ANKRD27: variants seen among roughly 807,000 people sequenced by gnomAD.
ANKRD27 encodes the protein ankyrin repeat domain-containing protein 27.
A neutral mutation model predicts 129.7 loss-of-function variants in ANKRD27; 112 were observed. The ratio of observed to expected loss-of-function variants is 0.86; its 90% CI spans 0.74 to 1.01. ANKRD27 has a LOEUF of 1.01. Among genes scored for constraint, ANKRD27 ranks in the 50% least tolerant of loss-of-function variants. ANKRD27 has a pLI of 0.00. For synonymous variants in ANKRD27, 516 were observed against 511.2 expected (o/e 1.01, Z -0.13); for missense variants, 1,258 against 1,300.5 (o/e 0.97, Z 0.50).
rs745306882 is a variant in ANKRD27, at chr19:32,615,799, G to A, written c.2053-19C>T. On this transcript the variant is annotated intron_variant, in intron 21 of 28. Coordinates refer to ENST00000306065, the MANE Select transcript of ANKRD27 (RefSeq NM_032139.3). ...AACGCACCTGGTGATGGAGAGTAAC[G>A]GAAACAGGAACACATCCTCAGCGTC... The A allele has an allele frequency of 1.8e-5, 29 of 1,607,594 alleles. No homozygotes were observed. The highest frequency in any genetic ancestry group is 6.7e-5 in the East Asian group (3 of 44,734).
Position 32,648,716 on chromosome 19 carries a change from C to T in ANKRD27, c.213+966G>A, listed in dbSNP as rs150669964. Among the ~76,000 whole-genome samples the T allele has an allele frequency of 3.9e-3, 587 of 151,288 alleles. 15 individuals are homozygous for T. The East Asian group carries it at 0.052, about 13-fold the overall frequency. ...TCGGGAGGCTGAGGCAGGAGAATGG[C>T]GTGAACCTGGGAGGCGGAGCTCGCA... On this transcript the variant is annotated intron_variant, in intron 3 of 28. Transcript: ENST00000306065.
chr19:32,659,139 C>CT (rs35323163), intron 1 of ANKRD27, 94 bp from the exon 2 acceptor site: 4,572 of 156,796 alleles, frequency 0.029, no homozygotes, highest in East Asian at 0.05. Context: ...TTTTCTTTTT[C>CT]TTTTTTTTTT....
Position 32,608,504 on chromosome 19 carries a change from C to CT in ANKRD27, c.2176-673dup, listed in dbSNP as rs200222202. On this transcript the variant is annotated intron_variant, in intron 22 of 28. Transcript: ENST00000306065. ...TTTTTGATGATTAAAAATGTTACCT[C>CT]TTTAAAAAAAAAAACTGTATGCTAA... 1,353 of 222,096 alleles carry CT rather than the reference C, an allele frequency of 6.1e-3. 1 individual carries two copies. The highest frequency in any genetic ancestry group is 0.012 in the South Asian group (255 of 21,862). 13.8% of individuals were successfully genotyped at this position (222,096 alleles called of 1,614,324 possible). A position where few individuals can be genotyped will look rare whatever the true frequency, so the allele number is the denominator to read the frequency against.
Position 32,598,130 on chromosome 19 carries a change from A to C in ANKRD27, c.*15T>G. 6.2e-7 allele frequency: 1 copy of C among 1,611,250 alleles called. No homozygotes were observed. The highest frequency in any genetic ancestry group is 8.5e-7 in the Non-Finnish European group (1 of 1,177,526). On this transcript the variant is annotated 3_prime_UTR_variant, in exon 29 of 29. Coordinates refer to ENST00000306065, the MANE Select transcript of ANKRD27 (RefSeq NM_032139.3). ...CTTGCTTCCTAGCAGTGGGTTCAAC[A>C]ACTCCTCATTCCTGTTAGGACCGGG... is the stretch of plus-strand genomic sequence containing the variant.
chr19:32,609,607 C>T (rs1239221163), intron 22 of ANKRD27, among the ~76,000 whole-genome samples: 1 of 150,524 alleles, frequency 6.6e-6, no homozygotes, highest in Non-Finnish European at 1.5e-5. Context: ...GTTAACTAAT[C>T]CATGATGATG....
intron 21 of ANKRD27, among the ~76,000 whole-genome samples, chr19:32,617,237 T>C (rs1478966991): frequency 1.3e-5 from 2 of 152,254 alleles, no homozygotes; most frequent in East Asian, 3.9e-4. Context: ...TAGAACAAGC[T>C]TTTTATAATA....
intron 12 of ANKRD27, among the ~76,000 whole-genome samples, chr19:32,633,981 G>A (rs1023729110): frequency 2.0e-5 from 3 of 152,018 alleles, no homozygotes; most frequent in African/African-American, 7.2e-5. Flanking sequence ...CAGTGAGCTA[G>A]GATCACACCA....
chr19:32,657,432 A>G (rs1421982267), intron 2 of ANKRD27, among the ~76,000 whole-genome samples: 1 of 150,750 alleles, frequency 6.6e-6, no homozygotes, highest in Non-Finnish European at 1.5e-5. Context: ...ACTGCACTCT[A>G]GCCTGGGTGA....
intron 2 of ANKRD27, among the ~76,000 whole-genome samples, chr19:32,656,512 C>T (rs1285709041): frequency 1.3e-5 from 2 of 152,096 alleles, no homozygotes; most frequent in Non-Finnish European, 2.9e-5. Context: ...TAGGGCCAGG[C>T]GTGACAGCTC....
At chr19:32,670,504 T>G (rs949361924) in intron 1 of ANKRD27, among the ~76,000 whole-genome samples, 2 of 151,066 alleles carry the variant, frequency 1.3e-5, no homozygotes, top group Non-Finnish European at 2.9e-5. Context: ...CAAAACCCTG[T>G]CTCTACTAAA....
At chr19:32,604,225 C>A in intron 25 of ANKRD27, 38 bp downstream of exon 25, 1 of 1,564,140 alleles carries the variant, frequency 6.4e-7, no homozygotes, top group Non-Finnish European at 8.7e-7. Flanking sequence ...CTGTGAGGAG[C>A]TCAGGATTCC....
At chr19:32,662,950 G>A (rs1010994517) in intron 1 of ANKRD27, among the ~76,000 whole-genome samples, 1 of 152,084 alleles carries the variant, frequency 6.6e-6, no homozygotes, top group African/African-American at 2.4e-5. Context: ...GCTGAGGCAG[G>A]AGAATCACTT....
At chr19:32,603,576 T>C (rs1971684694) in intron 25 of ANKRD27, among the ~76,000 whole-genome samples, 1 of 152,196 alleles carries the variant, frequency 6.6e-6, no homozygotes, top group Non-Finnish European at 1.5e-5. Flanking sequence ...AAAGTCTCTG[T>C]CACCCAGGCT....
At chr19:32,668,773 T>C (rs1029055041) in intron 1 of ANKRD27, among the ~76,000 whole-genome samples, 1 of 151,564 alleles carries the variant, frequency 6.6e-6, no homozygotes, top group African/African-American at 2.4e-5. Flanking sequence ...TCAGTACAGA[T>C]GGGGTCTCGC....
intron 15 of ANKRD27, among the ~76,000 whole-genome samples, chr19:32,627,479 A>C (rs1477897823): frequency 6.6e-6 from 1 of 150,596 alleles, no homozygotes. Context: ...GCTCACTACA[A>C]CCTCCACCTT....
chr19:32,633,084 C>T (rs958548435), intron 12 of ANKRD27, among the ~76,000 whole-genome samples: 4 of 152,024 alleles, frequency 2.6e-5, no homozygotes, highest in East Asian at 1.9e-4. Context: ...CATTGTTATC[C>T]GGGTAAATCC....
Position 32,600,062 on chromosome 19 carries a change from A to C in ANKRD27, c.2768-12T>G. 2 of 1,584,200 alleles carry C rather than the reference A, an allele frequency of 1.3e-6. No individual in the cohort carries two copies. The highest frequency in any genetic ancestry group is 1.7e-6 in the Non-Finnish European group (2 of 1,154,432). ...CAGTTTTGAGTTCCCTGTAGATAAA[A>C]AGATAAACATCTAAAAACTTCAAAA... On this transcript the variant is annotated splice_polypyrimidine_tract_variant and intron_variant, in intron 26 of 28. Transcript: ENST00000306065.
chr19:32,666,456 G>A (rs1967756368), intron 1 of ANKRD27: 1 of 152,122 alleles, frequency 6.6e-6, no homozygotes, highest in East Asian at 1.9e-4. Context: ...TAGGAAGTAA[G>A]CTGTTTGAAG....
chr19:32,626,023 G>A, intron 16 of ANKRD27, 57 bp from the exon 17 acceptor site: 1 of 1,449,442 alleles, frequency 6.9e-7, no homozygotes, highest in Non-Finnish European at 9.2e-7. Context: ...GGGAGGCCCG[G>A]CCTCCAGTCT....
Sources: gnomAD v4.1 joint callset for allele counts (sites outside exome capture counted in the v4.1 genomes callset) on GRCh38, gnomAD v4.1.1 for gene constraint, MANE v1.5 for transcripts, NCBI Gene and HGNC (gene_info 2026-07-23, HGNC 2026-07-21) for gene names.